AIG1: variants seen among roughly 807,000 people sequenced by gnomAD.
AIG1 encodes the protein androgen induced 1.
AIG1 carries 23 observed loss-of-function variants against 31.4 expected under a neutral mutation model. That is an observed-to-expected ratio of 0.73 (90% CI 0.53 to 1.04). The LOEUF (loss-of-function observed/expected upper bound fraction) is 1.04, where lower values mean the gene tolerates loss of function less well. AIG1 is among the 50% of genes least tolerant of loss of function. The probability of loss-of-function intolerance (pLI) is 0.00; values close to 1 mark genes in which losing one functional copy is unlikely to be tolerated. For synonymous variants in AIG1, 100 were observed against 110.5 expected (o/e 0.90, Z 0.60); for missense variants, 274 against 295.0 (o/e 0.93, Z 0.52).
At chr6:143,124,141 T>C (rs1403639246) in intron 1 of AIG1, among the ~76,000 whole-genome samples, 1 of 152,210 alleles carries the variant, frequency 6.6e-6, no homozygotes, top group Non-Finnish European at 1.5e-5. Context: ...CAGTTCCAAA[T>C]CACCCTTCAA....
At chr6:143,168,013 A>G (rs550165310) in intron 3 of AIG1, among the ~76,000 whole-genome samples, 54 of 152,310 alleles carry the variant, frequency 3.5e-4, no homozygotes, top group Admixed American at 2.5e-3. Context: ...ATAAACCATG[A>G]TGCTGATCCT....
intron 1 of AIG1, among the ~76,000 whole-genome samples, chr6:143,070,142 T>A (rs1777119430): frequency 6.6e-6 from 1 of 152,248 alleles, no homozygotes; most frequent in Non-Finnish European, 1.5e-5. Flanking sequence ...AAAATTTGTT[T>A]ATGCTATTCT....
At chr6:143,229,390 C>CA (rs1165755912) in intron 3 of AIG1, among the ~76,000 whole-genome samples, 2 of 152,220 alleles carry the variant, frequency 1.3e-5, no homozygotes, top group African/African-American at 4.8e-5. Flanking sequence ...AGCATTCCTA[C>CA]AACCTGTTGT....
intron 3 of AIG1, among the ~76,000 whole-genome samples, chr6:143,215,015 A>G (rs1791913804): frequency 2.0e-5 from 3 of 151,962 alleles, no homozygotes; most frequent in African/African-American, 2.4e-5. Flanking sequence ...TTTCTCCTTC[A>G]TTGACCTGGG....
chr6:143,208,262 G>A (rs1562490461), intron 3 of AIG1, among the ~76,000 whole-genome samples: 1 of 152,100 alleles, frequency 6.6e-6, no homozygotes, highest in African/African-American at 2.4e-5. Flanking sequence ...GTATTTTCAA[G>A]CAACACTCTT....
intron 3 of AIG1, among the ~76,000 whole-genome samples, chr6:143,249,380 C>A (rs1440987968): frequency 6.6e-6 from 1 of 152,154 alleles, no homozygotes; most frequent in Non-Finnish European, 1.5e-5. Context: ...AGGAAAGAAA[C>A]AAGCTTGGGT....
At chr6:143,204,776 C>A (rs1790978520) in intron 3 of AIG1, among the ~76,000 whole-genome samples, 1 of 151,990 alleles carries the variant, frequency 6.6e-6, no homozygotes, top group Admixed American at 6.6e-5. Context: ...GGGGGAGGGA[C>A]ATGTCCACCT....
intron 3 of AIG1, chr6:143,188,781 C>T (rs1358571148): frequency 1.9e-5 from 19 of 985,300 alleles, no homozygotes; most frequent in Non-Finnish European, 2.3e-5. Context: ...GGGAAACATA[C>T]ATCTGTAAGA....
intron 1 of AIG1, among the ~76,000 whole-genome samples, chr6:143,065,724 A>C (rs1008404153): frequency 2.0e-5 from 3 of 152,222 alleles, no homozygotes; most frequent in African/African-American, 7.2e-5. Context: ...AAAACATTCA[A>C]AATGATAGGA....
intron 1 of AIG1, among the ~76,000 whole-genome samples, chr6:143,109,633 T>C (rs6916757): frequency 0.054 from 8,199 of 152,240 alleles, 651 homozygotes; most frequent in African/African-American, 0.18. Context: ...TGATCACTAG[T>C]ATTGTTAATC....
chr6:143,163,335 T>C (rs2128561643), intron 2 of AIG1, among the ~76,000 whole-genome samples: 1 of 152,326 alleles, frequency 6.6e-6, no homozygotes, highest in East Asian at 1.9e-4. Flanking sequence ...TGTAATTCAT[T>C]GGTAACCACT....
intron 3 of AIG1, among the ~76,000 whole-genome samples, chr6:143,204,486 T>C (rs1034011015): frequency 1.3e-5 from 2 of 152,128 alleles, no homozygotes; most frequent in Non-Finnish European, 2.9e-5. Context: ...TGGCAGCTTA[T>C]AGTTCCCAGA....
chr6:143,223,538 T>G (rs1247173572), intron 3 of AIG1, among the ~76,000 whole-genome samples: 1 of 152,206 alleles, frequency 6.6e-6, no homozygotes, highest in African/African-American at 2.4e-5. Context: ...TGCTGTCCCC[T>G]CTAAGTCTTT....
Position 143,060,904 on chromosome 6 carries a change from C to A in AIG1, c.-22C>A. ...CACGCCCGCCCTCCTTGCCGCCCAG[C>A]CGGTCCAGGCCTCTGGCGAACATGG... On this transcript the variant is annotated 5_prime_UTR_variant, in exon 1 of 6. Transcript: ENST00000357847. 6.8e-7 allele frequency: 1 copy of A among 1,472,088 alleles called. No individual in the cohort carries two copies. Among genetic ancestry groups the A allele is most frequent in the Non-Finnish European group, 9.1e-7 (1 of 1,104,614 alleles). The allele number at this position is 1,472,088 out of a possible 1,614,324, so 91.2% of individuals were successfully genotyped here. A position where few individuals can be genotyped will look rare whatever the true frequency, so the allele number is the denominator to read the frequency against.
At chr6:143,309,144 T>G (rs1775057419) in intron 4 of AIG1, among the ~76,000 whole-genome samples, 1 of 151,860 alleles carries the variant, frequency 6.6e-6, no homozygotes, top group South Asian at 2.1e-4. Flanking sequence ...GTATTGAGTA[T>G]TGAAAGACAA....
chr6:143,281,848 A>G (rs909780153), intron 3 of AIG1, among the ~76,000 whole-genome samples: 1 of 152,254 alleles, frequency 6.6e-6, no homozygotes, highest in African/African-American at 2.4e-5. Context: ...AAACCTGCAC[A>G]TGCACAGCTA....
chr6:143,332,823 T>C (rs572859062), intron 4 of AIG1, among the ~76,000 whole-genome samples: 2 of 152,262 alleles, frequency 1.3e-5, no homozygotes, highest in East Asian at 3.9e-4. Flanking sequence ...TCAAATATCA[T>C]CAAAGACAAG....
chr6:143,216,585 T>G, intron 3 of AIG1, among the ~76,000 whole-genome samples: 1 of 152,234 alleles, frequency 6.6e-6, no homozygotes, highest in East Asian at 1.9e-4. Flanking sequence ...GAGACTTTAC[T>G]TGTTGCTGCT....
At chr6:143,073,619 A>G (rs781736117) in intron 1 of AIG1, among the ~76,000 whole-genome samples, 1 of 152,220 alleles carries the variant, frequency 6.6e-6, no homozygotes, top group Non-Finnish European at 1.5e-5. Flanking sequence ...TTTCATTTCC[A>G]TACCTGAGAC....
Sources: allele counts gnomAD v4.1 joint callset (sites outside exome capture counted in the v4.1 genomes callset), GRCh38; gene constraint gnomAD v4.1.1; transcripts MANE v1.5; gene names NCBI Gene and HGNC (gene_info 2026-07-23, HGNC 2026-07-21).